Variants in IFT122 observed in about 807,000 individuals in gnomAD.
IFT122 encodes the protein intraflagellar transport protein 122 homolog.
IFT122 carries 118 observed loss-of-function variants against 161.6 expected under a neutral mutation model. The ratio of observed to expected loss-of-function variants is 0.73; its 90% CI spans 0.63 to 0.85. The LOEUF (loss-of-function observed/expected upper bound fraction) is 0.85. IFT122 is among the 40% of genes least tolerant of loss of function. The probability of loss-of-function intolerance (pLI) is 0.00; values close to 1 mark genes in which losing one functional copy is unlikely to be tolerated. For synonymous variants in IFT122, 550 were observed against 602.4 expected, an observed-to-expected ratio of 0.91 and a Z score of 1.27; for missense variants, 1,381 against 1,579.6, an observed-to-expected ratio of 0.87 and a Z score of 2.13.
At chr3:129,498,929 C>G (rs138499161) in intron 18 of IFT122, among the ~76,000 whole-genome samples, 70 of 152,350 alleles carry the variant, frequency 4.6e-4, no homozygotes, top group Middle Eastern at 3.4e-3. Context: ...TTTTGGGTAA[C>G]TACTCTGAAA....
At chr3:129,520,052 G>T in intron 29 of IFT122, 124 bp from the exon 30 acceptor site, 1 of 795,784 alleles carries the variant, frequency 1.3e-6, no homozygotes, top group South Asian at 1.4e-5. Context: ...AGGTGCTGCA[G>T]GTCTGTGTCC....
intron 24 of IFT122, chr3:129,513,964 A>G (rs1027902434): frequency 1.7e-5 from 6 of 348,956 alleles, no homozygotes; most frequent in Middle Eastern, 4.0e-4. Context: ...CAGGGGCCTC[A>G]GAGCAGGGTT....
intron 3 of IFT122, among the ~76,000 whole-genome samples, chr3:129,456,913 C>G (rs1342862136): frequency 6.6e-6 from 1 of 151,908 alleles, no homozygotes; most frequent in Non-Finnish European, 1.5e-5. Context: ...GAGACTTAGT[C>G]TCAAAAAAAA....
intron 16 of IFT122, 119 bp downstream of exon 16, chr3:129,488,516 G>C: frequency 7.5e-7 from 1 of 1,329,190 alleles, no homozygotes. Context: ...GAGTTAGGCT[G>C]ACCTGGGCTT....
intron 1 of IFT122, among the ~76,000 whole-genome samples, chr3:129,446,692 TGACCACCTTGGGCACATGTTCTCAG>T (rs954385571): frequency 6.6e-6 from 1 of 152,208 alleles, no homozygotes; most frequent in African/African-American, 2.4e-5. Flanking sequence ...AGCTGCACCC[TGACCACCTTGGGCACATGTTCTCAG>T]GACCACCTGA....
At chr3:129,504,526 A>G in intron 21 of IFT122, 105 bp downstream of exon 21, 2 of 868,008 alleles carry the variant, frequency 2.3e-6, no homozygotes, top group African/African-American at 1.6e-5. Flanking sequence ...AGATCCCAAG[A>G]TAGATGACTT....
At chr3:129,463,124 C>T (rs2076357570) in intron 5 of IFT122, 2 of 161,560 alleles carry the variant, frequency 1.2e-5, no homozygotes, top group Admixed American at 6.1e-5. Context: ...ATGTACTTTT[C>T]ATCCAGTTTC....
intron 4 of IFT122, among the ~76,000 whole-genome samples, chr3:129,460,205 AC>A (rs1305397839): frequency 6.6e-6 from 1 of 152,114 alleles, no homozygotes; most frequent in African/African-American, 2.4e-5. Context: ...TCCTTCAAAT[AC>A]CTACTCACCC....
intron 17 of IFT122, among the ~76,000 whole-genome samples, chr3:129,494,074 C>CG (rs1264193068): frequency 6.6e-6 from 1 of 152,098 alleles, no homozygotes; most frequent in Non-Finnish European, 1.5e-5. Flanking sequence ...GTCCTGCTGA[C>CG]GGGGGGAAAG....
Position 129,519,179 on chromosome 3 carries a change from G to A in IFT122, c.3464G>A (p.Ser1155Asn), listed in dbSNP as rs1202324746. 6 of 1,613,916 alleles carry A rather than the reference G, an allele frequency of 3.7e-6. No individual in the cohort carries two copies. The highest frequency in any genetic ancestry group is 1.1e-5 in the South Asian group (1 of 91,082). The change falls in exon 28 of 30, where the codon AGC becomes AAC. Residue 1155 changes from serine (S) to asparagine (N), a missense_variant. Transcript: ENST00000348417. The stretch of plus-strand genomic sequence containing the variant: ...GAGGACCCGTTCACAGCTAAGCTGA[G>A]CTTTGAGGTGAGGGTGCCTCTCTGG... ...GDEDPFTAKL[S>N]FEQGGSEFVP... is the part of the protein sequence containing the mutation.
At chr3:129,497,812 C>G (rs970181837) in intron 18 of IFT122, among the ~76,000 whole-genome samples, 8 of 150,790 alleles carry the variant, frequency 5.3e-5, no homozygotes, top group Non-Finnish European at 1.0e-4. Flanking sequence ...GAGATCTAGT[C>G]CTGATTAACG....
rs576577674 is a variant in IFT122 at position 129,486,325 on chromosome 3, C to T, written c.1852-1932C>T. Among the ~76,000 whole-genome samples the T allele has an allele frequency of 2.0e-5, 3 of 152,336 alleles. No individual in the cohort carries two copies. The South Asian group carries it at 6.2e-4, about 32-fold the overall frequency. On this transcript the variant is annotated intron_variant, in intron 15 of 29. Transcript: ENST00000348417. ...TCTCAAGCAGCTGTAACTAGAGCAA[C>T]TCATTTCACTCTTTGGGGCCTCATT...
Position 129,483,898 on chromosome 3 carries a change from C to G in IFT122, c.1851+216C>G, listed in dbSNP as rs1010012576. Reference sequence around the variant, plus strand: ...CAAACAGCTCAACCTCCCTGAGTATCAGTTTCTTCCTTGTCCCCTTTCTGT... The same window carrying G: ...CAAACAGCTCAACCTCCCTGAGTATGAGTTTCTTCCTTGTCCCCTTTCTGT... On this transcript the variant is annotated intron_variant, in intron 15 of 29. Transcript: ENST00000348417. 33 of 616,950 alleles carry G rather than the reference C, an allele frequency of 5.3e-5. No individual in the cohort carries two copies. The Middle Eastern group carries it at 3.4e-3, about 64-fold the overall frequency. The allele number at this position is 616,950 out of a possible 1,614,324, so 38.2% of individuals were successfully genotyped here. A position where few individuals can be genotyped will look rare whatever the true frequency, so the allele number is the denominator to read the frequency against.
chr3:129,444,702 A>G (rs1235172458), intron 1 of IFT122, among the ~76,000 whole-genome samples: 1 of 152,064 alleles, frequency 6.6e-6, no homozygotes, highest in Non-Finnish European at 1.5e-5. Flanking sequence ...CTGTATTTTT[A>G]GTAGAGATAC....
chr3:129,468,388 G>C (rs2077021354), intron 8 of IFT122, among the ~76,000 whole-genome samples: 1 of 152,020 alleles, frequency 6.6e-6, no homozygotes, highest in Non-Finnish European at 1.5e-5. Context: ...CTGTCACCTG[G>C]GCTGGAGTGC....
At position 129,476,509 on chromosome 3, in the gene IFT122, A is replaced by G; in HGVS notation, c.1008+3A>G. 1 of 1,614,152 alleles carries G rather than the reference A, an allele frequency of 6.2e-7. No individual in the cohort carries two copies. Among genetic ancestry groups the G allele is most frequent in the Non-Finnish European group, 8.5e-7 (1 of 1,180,038 alleles). On this transcript the variant is annotated splice_donor_region_variant and intron_variant, in intron 10 of 29. Transcript: ENST00000348417. ...CGAAACCGGATTCCAACTATGTGGT[A>G]AGAAGAGAAAGTTTGTTCTGTGGGG...
chr3:129,517,165 T>C (rs1415582236), intron 26 of IFT122, among the ~76,000 whole-genome samples: 2 of 124,310 alleles, frequency 1.6e-5, no homozygotes, highest in Non-Finnish European at 3.3e-5. Flanking sequence ...ACACGGAGAC[T>C]GCCTCTGCAC....
intron 2 of IFT122, 41 bp from the exon 3 acceptor site, chr3:129,451,873 T>C (rs367859332): frequency 1.0e-4 from 150 of 1,501,948 alleles, no homozygotes; most frequent in Non-Finnish European, 1.3e-4. Context: ...TTCTGACTAA[T>C]AGATATCACA....
intron 5 of IFT122, among the ~76,000 whole-genome samples, chr3:129,462,198 A>T (rs755723373): frequency 2.0e-5 from 3 of 152,238 alleles, no homozygotes; most frequent in Non-Finnish European, 2.9e-5. Flanking sequence ...CATTTTCTTC[A>T]TGTGAAGCAC....
Sources: gnomAD v4.1 joint callset for allele counts (sites outside exome capture counted in the v4.1 genomes callset) on GRCh38, gnomAD v4.1.1 for gene constraint, MANE v1.5 for transcripts, NCBI Gene and HGNC (gene_info 2026-07-23, HGNC 2026-07-21) for gene names.